Variants in CTIF observed in about 807,000 individuals in gnomAD.
CTIF encodes the protein CBP80/20-dependent translation initiation factor.
Under a neutral mutation model 66.0 loss-of-function variants are expected in CTIF, and 21 were observed. The observed-to-expected ratio is 0.32, with a 90% CI of 0.23 to 0.46. CTIF has a LOEUF of 0.46. CTIF is among the 20% of genes least tolerant of loss of function. The pLI is 1.00. For missense variants in CTIF, 739 were observed against 812.7 expected (o/e 0.91, Z 1.10); for synonymous variants, 345 against 326.4 (o/e 1.06, Z -0.62).
intron 6 of CTIF, among the ~76,000 whole-genome samples, chr18:48,705,620 T>A (rs894721268): frequency 6.6e-6 from 1 of 152,118 alleles, no homozygotes; most frequent in African/African-American, 2.4e-5. Flanking sequence ...ACTTTACAGA[T>A]GGGGTCACAC....
chr18:48,569,475 A>T (rs2089361106), intron 1 of CTIF, among the ~76,000 whole-genome samples: 1 of 152,152 alleles, frequency 6.6e-6, no homozygotes, highest in South Asian at 2.1e-4. Context: ...AAAAACAAAA[A>T]AACAAAAAAA....
At chr18:48,584,930 A>G (rs2089734462) in intron 1 of CTIF, among the ~76,000 whole-genome samples, 1 of 152,224 alleles carries the variant, frequency 6.6e-6, no homozygotes, top group African/African-American at 2.4e-5. Context: ...ATACCCCTAT[A>G]ATCATTGCCC....
At chr18:48,609,309 T>A (rs1422762918) in intron 1 of CTIF, among the ~76,000 whole-genome samples, 1 of 152,084 alleles carries the variant, frequency 6.6e-6, no homozygotes, top group Non-Finnish European at 1.5e-5. Context: ...AAGGAGGGCT[T>A]CAGGGAGGAG....
intron 10 of CTIF, among the ~76,000 whole-genome samples, chr18:48,853,957 C>T (rs949947741): frequency 6.6e-6 from 1 of 152,168 alleles, no homozygotes; most frequent in South Asian, 2.1e-4. Context: ...TCCAGCTCTC[C>T]GTGAGTAAAT....
chr18:48,682,265 A>G (rs1486834077), intron 6 of CTIF, among the ~76,000 whole-genome samples: 1 of 152,080 alleles, frequency 6.6e-6, no homozygotes. Flanking sequence ...TCACCCACAC[A>G]TGCATCTCTC....
At chr18:48,560,814 C>G (rs1380742353) in intron 1 of CTIF, among the ~76,000 whole-genome samples, 1 of 152,130 alleles carries the variant, frequency 6.6e-6, no homozygotes, top group Non-Finnish European at 1.5e-5. Context: ...CTCCAGTGAT[C>G]CTCCCACCTT....
chr18:48,636,008 G>A (rs2090815027), intron 2 of CTIF, among the ~76,000 whole-genome samples: 1 of 152,178 alleles, frequency 6.6e-6, no homozygotes, highest in Non-Finnish European at 1.5e-5. Flanking sequence ...TGGGGCCCAG[G>A]GACCTCCATG....
chr18:48,653,658 G>T (rs945587607), intron 3 of CTIF, among the ~76,000 whole-genome samples: 3 of 152,282 alleles, frequency 2.0e-5, no homozygotes, highest in Admixed American at 6.5e-5. Context: ...AAAAGAGCCC[G>T]CATTGCCAAG....
At chr18:48,657,330 A>G (rs147276314) in intron 3 of CTIF, among the ~76,000 whole-genome samples, 10 of 152,376 alleles carry the variant, frequency 6.6e-5, no homozygotes, top group Non-Finnish European at 1.2e-4. Context: ...CAGTCTTATC[A>G]TTCAGTATAT....
chr18:48,631,685 A>G (rs2090717584), intron 2 of CTIF, among the ~76,000 whole-genome samples: 1 of 152,240 alleles, frequency 6.6e-6, no homozygotes, highest in South Asian at 2.1e-4. Flanking sequence ...TTAAGACACG[A>G]ATTTTAATAG....
intron 1 of CTIF, chr18:48,566,954 A>G (rs549982419): frequency 1.3e-5 from 2 of 152,310 alleles, no homozygotes; most frequent in East Asian, 1.9e-4. Context: ...TTGGATTTTC[A>G]TTCAACCATT....
chr18:48,602,363 G>A (rs1421081283), intron 1 of CTIF, among the ~76,000 whole-genome samples: 2 of 152,232 alleles, frequency 1.3e-5, no homozygotes, highest in Admixed American at 6.5e-5. Context: ...CACGAAAGGT[G>A]GAAGAAATTG....
chr18:48,796,883 C>T (rs1454053213), intron 9 of CTIF, among the ~76,000 whole-genome samples: 1 of 152,228 alleles, frequency 6.6e-6, no homozygotes, highest in East Asian at 1.9e-4. Context: ...CTTAGTGAGT[C>T]TGGGCTGGAG....
intron 7 of CTIF, among the ~76,000 whole-genome samples, chr18:48,729,479 C>T (rs1045265825): frequency 1.8e-4 from 27 of 152,284 alleles, no homozygotes; most frequent in East Asian, 7.7e-4. Context: ...AGATGGCTCC[C>T]CCAGCCTTTC....
chr18:48,750,464 G>A (rs945333785), intron 7 of CTIF, among the ~76,000 whole-genome samples: 2 of 152,238 alleles, frequency 1.3e-5, no homozygotes, highest in East Asian at 1.9e-4. Flanking sequence ...GAGTCTGCAC[G>A]CTTTCCTCCC....
Position 48,761,446 on chromosome 18 carries a change from C to G in CTIF, c.1128C>G (p.Ile376Met). 1.2e-6 allele frequency: 2 copies of G among 1,614,112 alleles called. No homozygotes were observed. The highest frequency in any genetic ancestry group is 1.7e-6 in the Non-Finnish European group (2 of 1,180,034). ...TPQQNKMDKL[I>M]EILNSMRNNS... ...AGCAGAACAAGATGGACAAGCTGATCGAGATCCTGAACAGCATGCGGAACA... is the reference window on the plus strand; with the variant it reads ...AGCAGAACAAGATGGACAAGCTGATGGAGATCCTGAACAGCATGCGGAACA... Residue 376 changes from isoleucine (I) to methionine (M), a missense_variant, in exon 9 of 12, where the codon ATC becomes ATG. Transcript: ENST00000256413. The surrounding 1 kb of genome is among the most constrained non-coding windows in gnomAD (Gnocchi z 4.2).
chr18:48,631,166 T>C (rs1261346053), intron 2 of CTIF, among the ~76,000 whole-genome samples: 1 of 152,176 alleles, frequency 6.6e-6, no homozygotes, highest in Non-Finnish European at 1.5e-5. Context: ...TTTCCCAATC[T>C]CTGCTCATAA....
At chr18:48,750,391 A>G (rs1370553235) in intron 7 of CTIF, among the ~76,000 whole-genome samples, 1 of 152,238 alleles carries the variant, frequency 6.6e-6, no homozygotes, top group Non-Finnish European at 1.5e-5. Flanking sequence ...CCCATAGAGT[A>G]TCCCCAAGAA....
intron 7 of CTIF, among the ~76,000 whole-genome samples, chr18:48,756,917 T>C (rs1180256957): frequency 6.6e-6 from 1 of 152,228 alleles, no homozygotes; most frequent in African/African-American, 2.4e-5. Context: ...TCTGTATCTG[T>C]TTGCTAGGTT....
Sources: gnomAD v4.1 joint callset for allele counts (sites outside exome capture counted in the v4.1 genomes callset) on GRCh38, gnomAD v4.1.1 for gene constraint, Gnocchi (gnomAD v3.1) non-coding constraint, MANE v1.5 for transcripts, NCBI Gene and HGNC (gene_info 2026-07-23, HGNC 2026-07-21) for gene names.